CEP350: variants seen among roughly 807,000 people sequenced by gnomAD.
CEP350 encodes centrosomal protein 350, also known as centrosome-associated protein 350.
Under a neutral mutation model 331.8 loss-of-function variants are expected in CEP350, and 126 were observed. That is an observed-to-expected ratio of 0.38 (90% CI 0.33 to 0.44). The LOEUF (loss-of-function observed/expected upper bound fraction) is 0.44. Ranked by LOEUF, CEP350 falls within the 20% of genes least tolerant of loss-of-function variation. The probability of loss-of-function intolerance (pLI) is 1.00; values close to 1 mark genes in which losing one functional copy is unlikely to be tolerated. For missense variants in CEP350, 3,406 were observed against 3,634.6 expected (o/e 0.94, Z 1.62); for synonymous variants, 1,200 against 1,259.5 (o/e 0.95, Z 1.00).
At chr1:179,983,278 A>G (rs1652419258) in intron 1 of CEP350, among the ~76,000 whole-genome samples, 1 of 151,984 alleles carries the variant, frequency 6.6e-6, no homozygotes, top group Non-Finnish European at 1.5e-5. Context: ...TCTCTTGCTC[A>G]GGCTGGAGTG....
chr1:180,016,484 T>C (rs1342287524), intron 11 of CEP350, among the ~76,000 whole-genome samples: 1 of 152,178 alleles, frequency 6.6e-6, no homozygotes, highest in Non-Finnish European at 1.5e-5. Context: ...TGCTGTAATA[T>C]ATTGTTTGCA....
chr1:180,093,351 C>G lies in CEP350; in HGVS notation c.7246C>G (p.Pro2416Ala). The change falls in exon 34 of 38, where the codon CCA becomes GCA. Residue 2416 changes from proline to alanine, a missense_variant. Physicochemically the swap from Pro to Ala is conservative, Grantham distance 27. Around this residue, in one of 5 missense-constraint regions of CEP350, gnomAD observed 1,415 missense variants for 1,512.3 expected, o/e 0.94. Transcript: ENST00000367607. ...RKDSQSCRDK[P>A]QPMRSSTSGA... ...AGACTCTCAGTCTTGCAGAGATAAG[C>G]CACAGCCAATGAGGAGCTCTACAAG... 1 of 1,600,144 alleles carries G rather than the reference C, an allele frequency of 6.2e-7. No homozygotes were observed. The highest frequency in any genetic ancestry group is 8.5e-7 in the Non-Finnish European group (1 of 1,173,094).
intron 22 of CEP350, chr1:180,052,177 A>G (rs1657547034): frequency 2.2e-6 from 1 of 453,720 alleles, no homozygotes; most frequent in Non-Finnish European, 4.4e-6. Flanking sequence ...CTGTAGTAAC[A>G]AGGACAACTA....
chr1:180,015,467 C>T (rs556516488), intron 10 of CEP350, among the ~76,000 whole-genome samples: 2 of 152,130 alleles, frequency 1.3e-5, no homozygotes, highest in African/African-American at 2.4e-5. Context: ...ATCTCCTGAC[C>T]TCCTGATCCG....
intron 24 of CEP350, 113 bp from the exon 25 acceptor site, chr1:180,054,301 AT>A (rs1317597678): frequency 1.1e-6 from 1 of 893,986 alleles, no homozygotes; most frequent in Non-Finnish European, 1.8e-6. Flanking sequence ...TGCTTTTCAC[AT>A]TTGAAAATGT....
intron 33 of CEP350, among the ~76,000 whole-genome samples, 168 bp downstream of exon 33, chr1:180,090,964 T>C (rs1026453844): frequency 2.0e-5 from 3 of 152,108 alleles, no homozygotes; most frequent in African/African-American, 7.2e-5. Context: ...TTATTGGCTA[T>C]GTGTAAATTA....
intron 9 of CEP350, among the ~76,000 whole-genome samples, chr1:180,012,423 C>G (rs1379495195): frequency 6.6e-6 from 1 of 152,160 alleles, no homozygotes; most frequent in Non-Finnish European, 1.5e-5. Flanking sequence ...CACGGACAAA[C>G]ATTCACAAGG....
rs567281154 is a variant in CEP350, at chr1:180,072,312, G to A, written c.5568-2710G>A. ...GGAAAATTATTGGTCTCTGTGTTGGGCTAGAGAAAAAATTTAAATTGTCTA... is the reference window on the plus strand; with the variant it reads ...GGAAAATTATTGGTCTCTGTGTTGGACTAGAGAAAAAATTTAAATTGTCTA... On this transcript the variant is annotated intron_variant, in intron 27 of 37. Transcript: ENST00000367607. 2.6e-5 allele frequency among the ~76,000 whole-genome samples: 4 copies of A among 152,106 alleles called. No homozygotes were observed. In the East Asian group the frequency reaches 7.7e-4, roughly 29 times the overall value.
In CEP350 at chr1:179,987,282, CT is replaced by C; in HGVS notation, c.117del (p.Ala40LeufsTer2). The C allele has an allele frequency of 6.5e-7, 1 of 1,545,868 alleles. No individual in the cohort carries two copies. The highest frequency in any genetic ancestry group is 1.1e-5 in the South Asian group (1 of 87,202). On this transcript the variant is annotated frameshift_variant, in exon 3 of 38. Transcript: ENST00000367607. LOFTEE classifies it high-confidence loss of function. ...TGGGATGCACTTTCTCAAACCAAGG[CT>C]GCTGTAAGTAGTTTTAGCTTCCATT... ...TSWDALSQTK[A>X]ALRHIENKLE...
chr1:180,035,007 G>A (rs1656257901), intron 16 of CEP350, among the ~76,000 whole-genome samples: 1 of 152,188 alleles, frequency 6.6e-6, no homozygotes, highest in African/African-American at 2.4e-5. Flanking sequence ...GAATGCAAAG[G>A]AAAAGTTTTT....
intron 14 of CEP350, among the ~76,000 whole-genome samples, chr1:180,027,228 T>C (rs1230205647): frequency 3.3e-5 from 5 of 152,340 alleles, no homozygotes; most frequent in African/African-American, 1.2e-4. Flanking sequence ...CAATTTTATG[T>C]GTATGGGATC....
intron 31 of CEP350, chr1:180,086,001 A>G (rs1228334240): frequency 1.3e-5 from 2 of 152,258 alleles, no homozygotes; most frequent in Non-Finnish European, 2.9e-5. Flanking sequence ...ATCCAAGGAT[A>G]CAGAGCTCAT....
intron 1 of CEP350, among the ~76,000 whole-genome samples, chr1:179,960,734 C>G (rs1650544343): frequency 1.3e-5 from 2 of 152,098 alleles, no homozygotes; most frequent in African/African-American, 4.8e-5. Flanking sequence ...TGTGTAATAT[C>G]TAGTAGGTAC....
intron 21 of CEP350, among the ~76,000 whole-genome samples, chr1:180,044,849 A>G (rs537228597): frequency 3.1e-4 from 47 of 151,706 alleles, no homozygotes; most frequent in African/African-American, 1.0e-3. Context: ...TTAAAAAAAA[A>G]GAATAATTAA....
At chr1:180,049,576 G>C (rs1286894547) in intron 22 of CEP350, among the ~76,000 whole-genome samples, 1 of 130,036 alleles carries the variant, frequency 7.7e-6, no homozygotes, top group Non-Finnish European at 1.6e-5. Flanking sequence ...ACAGAGTCTT[G>C]TTCTGTCACC....
intron 1 of CEP350, among the ~76,000 whole-genome samples, chr1:179,966,905 A>G (rs374652144): frequency 3.7e-4 from 57 of 152,316 alleles, no homozygotes; most frequent in African/African-American, 1.3e-3. Flanking sequence ...TCCAGTGGGT[A>G]CCTTGCTTTG....
rs5779043 is a variant in CEP350 at position 180,047,757 on chromosome 1, C to CAAA, written c.4623-760_4623-758dup. Among the ~76,000 whole-genome samples the CAAA allele has an allele frequency of 5.6e-3, 406 of 72,960 alleles. 5 individuals carry two copies. The highest frequency in any genetic ancestry group is 0.017 in the African/African-American group (255 of 15,150). 47.9% of individuals were successfully genotyped at this position (72,960 alleles called of 152,430 possible). ...GCCTGGGCGACAGAATGAAACTCCT[C>CAAA]AAAAAAAAAAAAAAAAAAAAAGAAA... On this transcript the variant is annotated intron_variant, in intron 21 of 37. Transcript: ENST00000367607.
chr1:179,974,862 A>G (rs1256652379), intron 1 of CEP350, among the ~76,000 whole-genome samples: 1 of 152,242 alleles, frequency 6.6e-6, no homozygotes, highest in East Asian at 1.9e-4. Flanking sequence ...ATGGTGGCGC[A>G]TGCCTGTAGT....
intron 8 of CEP350, among the ~76,000 whole-genome samples, chr1:180,011,404 T>G (rs1654647455): frequency 1.3e-5 from 2 of 152,208 alleles, no homozygotes; most frequent in Admixed American, 1.3e-4. Flanking sequence ...AAACACTTGT[T>G]GTATGTTAAG....
Sources: allele counts gnomAD v4.1 joint callset (sites outside exome capture counted in the v4.1 genomes callset), GRCh38; gene constraint gnomAD v4.1.1; regional missense constraint gnomAD v4.1.1; transcripts MANE v1.5; gene names NCBI Gene and HGNC (gene_info 2026-07-23, HGNC 2026-07-21).